The following TMPRSS15 variants were observed in gnomAD, a reference collection of about 807,000 sequenced individuals.
TMPRSS15 encodes the protein enteropeptidase.
A neutral mutation model predicts 125.3 loss-of-function variants in TMPRSS15; 128 were observed. The observed-to-expected ratio is 1.02, with a 90% CI of 0.89 to 1.18. TMPRSS15 has a LOEUF of 1.18. Ranked by LOEUF, TMPRSS15 falls within the 50% of genes most tolerant of loss-of-function variation. The probability of loss-of-function intolerance (pLI) is 0.00; values close to 1 mark genes in which losing one functional copy is unlikely to be tolerated. For synonymous variants in TMPRSS15, 446 were observed against 423.2 expected, an observed-to-expected ratio of 1.05 and a Z score of -0.66; for missense variants, 1,283 against 1,212.7, an observed-to-expected ratio of 1.06 and a Z score of -0.86.
At chr21:18,458,664 A>G (rs1978488568) in intron 1 of TMPRSS15, among the ~76,000 whole-genome samples, 1 of 152,144 alleles carries the variant, frequency 6.6e-6, no homozygotes, top group South Asian at 2.1e-4. Context: ...TACTGCAAAA[A>G]CTATGTATTT....
chr21:18,396,325 G>A (rs776911182), intron 3 of TMPRSS15, among the ~76,000 whole-genome samples: 1 of 152,086 alleles, frequency 6.6e-6, no homozygotes, highest in Non-Finnish European at 1.5e-5. Flanking sequence ...AGCACATGCT[G>A]AATCAGAACA....
chr21:18,356,504 A>T (rs1325872311), intron 8 of TMPRSS15, among the ~76,000 whole-genome samples: 1 of 151,772 alleles, frequency 6.6e-6, no homozygotes, highest in Non-Finnish European at 1.5e-5. Flanking sequence ...AAAAATAACC[A>T]TAAAATTATT....
At chr21:18,355,558 A>G (rs1300177424) in intron 8 of TMPRSS15, among the ~76,000 whole-genome samples, 1 of 151,758 alleles carries the variant, frequency 6.6e-6, no homozygotes, top group Non-Finnish European at 1.5e-5. Context: ...AAAGCCATGT[A>G]TTTCACAAAT....
chr21:18,417,088 T>C (rs1288603674), intron 1 of TMPRSS15, among the ~76,000 whole-genome samples: 2 of 152,122 alleles, frequency 1.3e-5, no homozygotes, highest in African/African-American at 4.8e-5. Flanking sequence ...AAAAAAATCA[T>C]GTCAATTGTA....
chr21:18,329,979 C>T (rs193297060), intron 14 of TMPRSS15, among the ~76,000 whole-genome samples: 4 of 152,166 alleles, frequency 2.6e-5, no homozygotes, highest in Admixed American at 2.6e-4. Context: ...AATTTATTGA[C>T]TTATTTACTG....
rs573249768 is a variant in TMPRSS15 at position 18,378,105 on chromosome 21, T to G, written c.532+1178A>C. 4.1e-4 allele frequency among the ~76,000 whole-genome samples: 62 copies of G among 152,264 alleles called. 1 individual carries two copies. The highest frequency in any genetic ancestry group is 1.4e-3 in the African/African-American group (57 of 41,584). On this transcript the variant is annotated intron_variant, in intron 5 of 24. Coordinates refer to ENST00000284885, the MANE Select transcript of TMPRSS15 (RefSeq NM_002772.3). The stretch of plus-strand genomic sequence containing the variant: ...CCAATAAACAAATAGAAAAATGGCA[T>G]TAATTTGGATACTTGTTACTGGCTT...
chr21:18,454,970 G>A (rs1978411864), intron 1 of TMPRSS15, among the ~76,000 whole-genome samples: 1 of 152,124 alleles, frequency 6.6e-6, no homozygotes, highest in Non-Finnish European at 1.5e-5. Context: ...ATCTTGAATT[G>A]TGGGTCCCAT....
chr21:18,391,387 G>GA (rs1555909131), intron 3 of TMPRSS15, among the ~76,000 whole-genome samples: 4 of 152,154 alleles, frequency 2.6e-5, no homozygotes, highest in African/African-American at 9.7e-5. Flanking sequence ...ATTCCAAATG[G>GA]AAAAAAATTT....
chr21:18,387,994 G>T (rs550105274), intron 3 of TMPRSS15, among the ~76,000 whole-genome samples: 1 of 152,198 alleles, frequency 6.6e-6, no homozygotes, highest in South Asian at 2.1e-4. Flanking sequence ...ATTTGTAGGT[G>T]ATTATTTAAG....
intron 5 of TMPRSS15, among the ~76,000 whole-genome samples, chr21:18,378,583 A>G (rs1038791134): frequency 6.6e-6 from 1 of 152,102 alleles, no homozygotes; most frequent in Non-Finnish European, 1.5e-5. Context: ...TTTGATGTAA[A>G]TTTTAATAAT....
chr21:18,476,405 G>A (rs997940970), intron 1 of TMPRSS15, among the ~76,000 whole-genome samples: 2 of 152,026 alleles, frequency 1.3e-5, no homozygotes, highest in African/African-American at 4.8e-5. Context: ...CATTGTGCAA[G>A]AGAAATATTT....
chr21:18,298,989 G>A (rs964653488), intron 18 of TMPRSS15, among the ~76,000 whole-genome samples: 1 of 152,206 alleles, frequency 6.6e-6, no homozygotes, highest in Non-Finnish European at 1.5e-5. Context: ...TGAACGTAGA[G>A]CTGGGACAAT....
chr21:18,454,674 A>G (rs1278316186), intron 1 of TMPRSS15, among the ~76,000 whole-genome samples: 2 of 152,110 alleles, frequency 1.3e-5, no homozygotes, highest in African/African-American at 4.8e-5. Flanking sequence ...ACAAGCTCCA[A>G]CGTCCAAGAG....
At chr21:18,387,980 G>A (rs909594876) in intron 3 of TMPRSS15, among the ~76,000 whole-genome samples, 8 of 152,020 alleles carry the variant, frequency 5.3e-5, no homozygotes, top group African/African-American at 1.2e-4. Flanking sequence ...AGTGGAATAC[G>A]TATATTTGTA....
chr21:18,421,983 TC>T (rs1394018177), intron 1 of TMPRSS15, among the ~76,000 whole-genome samples: 1 of 146,498 alleles, frequency 6.8e-6, no homozygotes, highest in Non-Finnish European at 1.5e-5. Context: ...CAAGTATTAC[TC>T]TTTTTTTTTT....
chr21:18,309,353 A>C (rs1396610125), intron 18 of TMPRSS15, among the ~76,000 whole-genome samples: 1 of 152,236 alleles, frequency 6.6e-6, no homozygotes, highest in Non-Finnish European at 1.5e-5. Context: ...ATGGGCAAAG[A>C]CTTCATGACT....
chr21:18,274,778 T>G (rs1313212597), intron 24 of TMPRSS15, among the ~76,000 whole-genome samples: 1 of 152,202 alleles, frequency 6.6e-6, no homozygotes, highest in Non-Finnish European at 1.5e-5. Context: ...AGGGTTGAAA[T>G]TTAGAGGCCC....
intron 15 of TMPRSS15, among the ~76,000 whole-genome samples, chr21:18,327,256 ATTTG>A (rs1201026866): frequency 2.0e-5 from 3 of 152,200 alleles, no homozygotes; most frequent in Admixed American, 6.5e-5. Flanking sequence ...CTTTTCAATG[ATTTG>A]TTTAACTATT....
At chr21:18,282,458 A>C (rs2074712841) in intron 21 of TMPRSS15, among the ~76,000 whole-genome samples, 1 of 152,198 alleles carries the variant, frequency 6.6e-6, no homozygotes, top group African/African-American at 2.4e-5. Context: ...TGTGGTATTT[A>C]AATATTAAAG....
Sources: allele counts gnomAD v4.1 joint callset (sites outside exome capture counted in the v4.1 genomes callset), GRCh38; gene constraint gnomAD v4.1.1; transcripts MANE v1.5; gene names NCBI Gene and HGNC (gene_info 2026-07-23, HGNC 2026-07-21).